The following BLOC1S3 variants were observed in gnomAD, a reference collection of about 807,000 sequenced individuals.
The protein encoded by BLOC1S3 is biogenesis of lysosomal organelles complex 1 subunit 3.
A neutral mutation model predicts 9.1 loss-of-function variants in BLOC1S3; 7 were observed. The observed-to-expected ratio is 0.77, with a 90% CI of 0.44 to 1.45. BLOC1S3 has a LOEUF of 1.45. Ranked by LOEUF, BLOC1S3 falls within the 40% of genes most tolerant of loss-of-function variation. BLOC1S3 has a pLI of 0.01. For missense variants in BLOC1S3, 307 were observed against 315.2 expected, an observed-to-expected ratio of 0.97 and a Z score of 0.20; for synonymous variants, 145 against 158.4, an observed-to-expected ratio of 0.92 and a Z score of 0.64.
intron 2 of BLOC1S3, among the ~76,000 whole-genome samples, chr19:45,200,672 CT>C (rs1177025782): frequency 6.6e-6 from 1 of 152,114 alleles, no homozygotes; most frequent in Non-Finnish European, 1.5e-5. Flanking sequence ...GTTTAGTTCA[CT>C]TGGTGAGGTC....
chr19:45,209,689 G>A (rs1275542156), intron 3 of BLOC1S3, among the ~76,000 whole-genome samples: 2 of 151,864 alleles, frequency 1.3e-5, no homozygotes, highest in Admixed American at 6.6e-5. Flanking sequence ...CCAAAGTGCT[G>A]GGATTACAGG....
At chr19:45,190,031 A>T (rs1319486561) in intron 2 of BLOC1S3, among the ~76,000 whole-genome samples, 2 of 151,228 alleles carry the variant, frequency 1.3e-5, no homozygotes, top group African/African-American at 2.4e-5. Context: ...TTTTTCTAAG[A>T]TAGAGAAAGG....
chr19:45,194,004 C>T (rs28785262), intron 2 of BLOC1S3, among the ~76,000 whole-genome samples: 34,550 of 127,640 alleles, frequency 0.27, 5,313 homozygotes, highest in Non-Finnish European at 0.33. Context: ...GGGGTTTCAC[C>T]GTGTTAGCCA....
chr19:45,185,826 G>A (rs909181153), downstream of BLOC1S3, among the ~76,000 whole-genome samples: 10 of 151,808 alleles, frequency 6.6e-5, no homozygotes, highest in Non-Finnish European at 1.5e-4. Context: ...GAGATACCTA[G>A]ATGGGTCAGG....
chr19:45,198,667 C>T (rs144698299), intron 2 of BLOC1S3, among the ~76,000 whole-genome samples: 3 of 152,204 alleles, frequency 2.0e-5, no homozygotes, highest in East Asian at 1.9e-4. Context: ...TGCTGCCAGA[C>T]GTATTGGAGC....
Position 45,181,399 on chromosome 19 carries a change from G to A in BLOC1S3, c.*1494G>A, listed in dbSNP as rs567632512. The A allele has an allele frequency of 1.3e-4, 21 of 167,098 alleles. No individual in the cohort carries two copies. The highest frequency in any genetic ancestry group is 4.6e-4 in the African/African-American group (19 of 41,452). The allele number at this position is 167,098 out of a possible 1,614,324, so 10.4% of individuals were successfully genotyped here. On this transcript the variant is annotated 3_prime_UTR_variant, in exon 2 of 2. Coordinates refer to ENST00000433642, the MANE Select transcript of BLOC1S3 (RefSeq NM_212550.5). ...CTCGCTCTCAACTCTGTAGGCCAAGGTGGCGTCTCCTCTTGACTCTCCAGA... is the reference window on the plus strand; with the variant it reads ...CTCGCTCTCAACTCTGTAGGCCAAGATGGCGTCTCCTCTTGACTCTCCAGA...
chr19:45,183,154 A>G (rs1442298135), downstream of BLOC1S3, among the ~76,000 whole-genome samples: 3 of 152,082 alleles, frequency 2.0e-5, no homozygotes, highest in Non-Finnish European at 4.4e-5. Flanking sequence ...GTGCAGTACC[A>G]GAAGGGGCCA....
intron 3 of BLOC1S3, among the ~76,000 whole-genome samples, chr19:45,210,319 A>C (rs1969759241): frequency 4.0e-5 from 1 of 24,960 alleles, no homozygotes; most frequent in Non-Finnish European, 8.5e-5. Context: ...TTTTTTTTTG[A>C]GATGGAGTCT....
At chr19:45,192,988 C>T (rs1187088569) in intron 2 of BLOC1S3, among the ~76,000 whole-genome samples, 1 of 151,172 alleles carries the variant, frequency 6.6e-6, no homozygotes, top group Non-Finnish European at 1.5e-5. Flanking sequence ...ACAAAATTAG[C>T]CGGGTGTTGT....
chr19:45,212,687 C>G (rs369027602), intron 3 of BLOC1S3: 1 of 168,984 alleles, frequency 5.9e-6, no homozygotes, highest in Non-Finnish European at 1.2e-5. Context: ...ACTGCAGCCT[C>G]GAACTCCAGT....
chr19:45,213,181 C>G, intron 3 of BLOC1S3: 1 of 1,604,978 alleles, frequency 6.2e-7, no homozygotes, highest in Non-Finnish European at 8.5e-7. Flanking sequence ...GAGAGGGAGG[C>G]TGAGACAGAA....
At position 45,189,973 on chromosome 19, in the gene BLOC1S3, T is replaced by C. The variant is rs548035389; in HGVS notation, n.180+2233T>C. ...TTTTATCTTTTGTCTCCTCTGTGTATTTTCAAATAGCCTTTCTTCAAGTTC... is the reference window on the plus strand; with the variant it reads ...TTTTATCTTTTGTCTCCTCTGTGTACTTTCAAATAGCCTTTCTTCAAGTTC... On this transcript the variant is annotated intron_variant and non_coding_transcript_variant, in intron 2 of 3. Coordinates refer to the BLOC1S3 transcript ENST00000591569. Among the ~76,000 whole-genome samples, 62 of 152,250 alleles carry C rather than the reference T, an allele frequency of 4.1e-4. No homozygotes were observed. In the South Asian group the frequency reaches 0.012, roughly 30 times the overall value.
downstream of BLOC1S3, among the ~76,000 whole-genome samples, chr19:45,182,720 G>C (rs913572321): frequency 2.0e-5 from 3 of 152,096 alleles, no homozygotes; most frequent in African/African-American, 4.8e-5. Flanking sequence ...CTCTCACAAT[G>C]TTGCCCAAGT....
intron 2 of BLOC1S3, among the ~76,000 whole-genome samples, chr19:45,191,007 A>C (rs192313579): frequency 1.7e-3 from 256 of 149,536 alleles, no homozygotes; most frequent in African/African-American, 6.1e-3. Flanking sequence ...GGGTTTCACC[A>C]TGTTAGTCAG....
chr19:45,189,406 T>C (rs902216258), intron 2 of BLOC1S3, among the ~76,000 whole-genome samples: 1 of 151,556 alleles, frequency 6.6e-6, no homozygotes, highest in African/African-American at 2.4e-5. Flanking sequence ...GTTTGATTAT[T>C]AAAGGACTTG....
downstream of BLOC1S3, among the ~76,000 whole-genome samples, chr19:45,182,396 A>T (rs1241030700): frequency 1.3e-5 from 2 of 151,396 alleles, no homozygotes; most frequent in Non-Finnish European, 2.9e-5. Flanking sequence ...GGCCAGGCGC[A>T]GTTACGCATG....
chr19:45,210,289 C>CTT (rs71173125), intron 3 of BLOC1S3, among the ~76,000 whole-genome samples: 996 of 74,464 alleles, frequency 0.013, 132 homozygotes, highest in African/African-American at 0.016. Flanking sequence ...ACTATTTTAA[C>CTT]TTTTTTTTTT....
intron 3 of BLOC1S3, among the ~76,000 whole-genome samples, chr19:45,211,800 GAA>G (rs34745825): frequency 1.9e-4 from 27 of 143,872 alleles, no homozygotes; most frequent in Admixed American, 2.8e-4. Context: ...ACTTCTCAGG[GAA>G]AAAAAAAAAA....
At chr19:45,186,177 T>A (rs1019802084), downstream of BLOC1S3, among the ~76,000 whole-genome samples, 3 of 151,982 alleles carry the variant, frequency 2.0e-5, no homozygotes, top group African/African-American at 7.2e-5. Context: ...TGAGACTGGG[T>A]CTGTCCTGGT....
Sources: gnomAD v4.1 joint callset for allele counts (sites outside exome capture counted in the v4.1 genomes callset) on GRCh38, gnomAD v4.1.1 for gene constraint, MANE v1.5 for transcripts, NCBI Gene and HGNC (gene_info 2026-07-23, HGNC 2026-07-21) for gene names.